Variants in HSPA12A observed in about 807,000 individuals in gnomAD.
HSPA12A encodes heat shock 70 kDa protein 12A.
In HSPA12A, 28 loss-of-function variants were observed where a neutral mutation model predicts 69.2. That is an observed-to-expected ratio of 0.40 (90% CI 0.30 to 0.55). HSPA12A has a LOEUF of 0.55. Ranked by LOEUF, HSPA12A falls within the 20% of genes least tolerant of loss-of-function variation. HSPA12A has a pLI of 0.38. For missense variants in HSPA12A, 686 were observed against 900.7 expected, an observed-to-expected ratio of 0.76 and a Z score of 3.05; for synonymous variants, 345 against 370.5, an observed-to-expected ratio of 0.93 and a Z score of 0.79.
rs1554878635 is a variant in HSPA12A, at chr10:116,681,751, G to A, written c.922+40C>T. 3 of 1,569,968 alleles carry A rather than the reference G, an allele frequency of 1.9e-6. No individual in the cohort carries two copies. In the East Asian group the frequency reaches 6.7e-5, roughly 35 times the overall value. The stretch of plus-strand genomic sequence containing the variant: ...GGAATGGCTTTTCACGAGCAGCACA[G>A]GAAAATCCAGCAAGAGCAAAGGACA... On this transcript the variant is annotated intron_variant, in intron 8 of 11. Transcript: ENST00000369209.
At chr10:116,693,753 T>A (rs75573268) in intron 5 of HSPA12A, among the ~76,000 whole-genome samples, 1 of 151,450 alleles carries the variant, frequency 6.6e-6, no homozygotes, top group African/African-American at 2.4e-5. Context: ...CAGCAAATGA[T>A]TTTTTTTTGC....
At chr10:116,849,610 A>T in exon 1 of HSPA12A, 2 of 1,549,916 alleles carry the variant, frequency 1.3e-6, no homozygotes, top group South Asian at 2.4e-5. Context: ...ACCACTAGGG[A>T]GCTGCAGAAG....
chr10:116,780,525 G>C (rs1404222428), intron 2 of HSPA12A, among the ~76,000 whole-genome samples: 8 of 98,072 alleles, frequency 8.2e-5, no homozygotes, highest in South Asian at 9.0e-4. Context: ...CTAATTTTTT[G>C]ATTTATTTTA....
At chr10:116,773,933 T>C (rs936987282) in intron 2 of HSPA12A, among the ~76,000 whole-genome samples, 3 of 152,166 alleles carry the variant, frequency 2.0e-5, no homozygotes, top group Non-Finnish European at 2.9e-5. Flanking sequence ...CTGAATGACC[T>C]TGGGTAGGTT....
At chr10:116,696,752 G>A (rs1430818413) in intron 5 of HSPA12A, among the ~76,000 whole-genome samples, 3 of 152,066 alleles carry the variant, frequency 2.0e-5, no homozygotes, top group African/African-American at 7.3e-5. Flanking sequence ...CTGAGCTCAC[G>A]GCATCCTGGC....
In HSPA12A at chr10:116,671,559, G is replaced by C. The variant is rs1849079024; in HGVS notation, c.*3222C>G. On this transcript the variant is annotated 3_prime_UTR_variant, in exon 12 of 12. Coordinates refer to ENST00000369209, the MANE Select transcript of HSPA12A (RefSeq NM_025015.3). ...CTACCCTGGCAATTAACCAGACCTG[G>C]ACTCTAAAAGCTAAACTTGGTCTAA... 6.6e-6 allele frequency: 1 copy of C among 152,568 alleles called. No homozygotes were observed. Among genetic ancestry groups the C allele is most frequent in the African/African-American group, 2.4e-5 (1 of 41,442 alleles). The allele number at this position is 152,568 out of a possible 1,614,324, so 9.5% of individuals were successfully genotyped here. A position where few individuals can be genotyped will look rare whatever the true frequency, so the allele number is the denominator to read the frequency against.
intron 2 of HSPA12A, among the ~76,000 whole-genome samples, chr10:116,782,629 G>A (rs1045207782): frequency 1.1e-4 from 17 of 152,276 alleles, no homozygotes; most frequent in African/African-American, 3.9e-4. Context: ...TGACACTATT[G>A]TCATAAAAAC....
intron 1 of HSPA12A, 83 bp downstream of exon 1, chr10:116,742,347 G>C: frequency 7.6e-7 from 1 of 1,320,332 alleles, no homozygotes; most frequent in South Asian, 1.6e-5. Flanking sequence ...GGCGCGCGAG[G>C]GGGTGCGGAG....
At chr10:116,808,451 G>T (rs2133178966) in intron 2 of HSPA12A, among the ~76,000 whole-genome samples, 1 of 152,236 alleles carries the variant, frequency 6.6e-6, no homozygotes, top group East Asian at 1.9e-4. Flanking sequence ...TTGCAGTGTG[G>T]TTTGTGCGTC....
chr10:116,750,397 C>T (rs1228249318), intron 2 of HSPA12A: 2 of 699,556 alleles, frequency 2.9e-6, no homozygotes, highest in Non-Finnish European at 2.6e-6. Context: ...TTGAAGGGAG[C>T]ACAGATGGAG....
intron 2 of HSPA12A, among the ~76,000 whole-genome samples, chr10:116,802,292 T>C (rs74401429): frequency 0.032 from 4,837 of 152,244 alleles, 250 homozygotes; most frequent in African/African-American, 0.11. Flanking sequence ...GCACTCACCA[T>C]AAGGAAAGCA....
In HSPA12A at chr10:116,672,249, A is replaced by G. The variant is rs371933138; in HGVS notation, c.*2532T>C. 123 of 152,316 alleles carry G rather than the reference A, an allele frequency of 8.1e-4. No homozygotes were observed. The highest frequency in any genetic ancestry group is 2.9e-3 in the African/African-American group (119 of 41,558). The allele number at this position is 152,316 out of a possible 1,614,324, so 9.4% of individuals were successfully genotyped here. ...ACAGTGGACCACGCTTTGCCCTCAG[A>G]GTGACTGCTCCGACCCGGAAGGAGA... On this transcript the variant is annotated 3_prime_UTR_variant, in exon 12 of 12. Transcript: ENST00000369209.
chr10:116,849,931 A>G (rs755380305), upstream of HSPA12A: 1 of 729,366 alleles, frequency 1.4e-6, no homozygotes, highest in African/African-American at 1.7e-5. Flanking sequence ...CCCCAGAGAA[A>G]GTGGCAGAAA....
At chr10:116,761,620 C>T (rs1278399660) in intron 2 of HSPA12A, among the ~76,000 whole-genome samples, 5 of 151,678 alleles carry the variant, frequency 3.3e-5, no homozygotes, top group African/African-American at 4.8e-5. Flanking sequence ...TGGTAGTGCA[C>T]GTCTGGCTGG....
chr10:116,704,052 G>A (rs906524946), intron 3 of HSPA12A, among the ~76,000 whole-genome samples: 1 of 152,186 alleles, frequency 6.6e-6, no homozygotes, highest in African/African-American at 2.4e-5. Context: ...AAGTCAGTGT[G>A]GCGATTCCTC....
Position 116,707,190 on chromosome 10 carries a change from C to CAT in HSPA12A, c.126+9_126+10insAT, listed in dbSNP as rs1850283283. 1 of 1,563,480 alleles carries CAT rather than the reference C, an allele frequency of 6.4e-7. No homozygotes were observed. The highest frequency in any genetic ancestry group is 1.4e-5 in the African/African-American group (1 of 73,526). The stretch of plus-strand genomic sequence containing the variant: ...ACACACACACACACACACACACACA[C>CAT]ACTTCTTACCACAATATGGGAGGGG... On this transcript the variant is annotated intron_variant, in intron 2 of 11. Coordinates refer to ENST00000369209, the MANE Select transcript of HSPA12A (RefSeq NM_025015.3).
rs376487177 is a variant in HSPA12A at position 116,709,768 on chromosome 10, A to G, written c.41-2483T>C. Reference sequence around the variant, plus strand: ...TGGGGTAGTGAAAAATTTTGGAAATAGATAGTGGTGATGGTTGCACAACAT... The same window carrying G: ...TGGGGTAGTGAAAAATTTTGGAAATGGATAGTGGTGATGGTTGCACAACAT... On this transcript the variant is annotated intron_variant, in intron 1 of 11. Coordinates refer to ENST00000369209, the MANE Select transcript of HSPA12A (RefSeq NM_025015.3). Among the ~76,000 whole-genome samples, 7 of 152,308 alleles carry G rather than the reference A, an allele frequency of 4.6e-5. No homozygotes were observed. In the East Asian group the frequency reaches 1.2e-3, roughly 25 times the overall value.
intron 1 of HSPA12A, among the ~76,000 whole-genome samples, chr10:116,842,124 C>T (rs980655270): frequency 6.6e-6 from 1 of 152,114 alleles, no homozygotes; most frequent in Non-Finnish European, 1.5e-5. Context: ...AGTACGTTTT[C>T]AAGGAAGTTA....
At chr10:116,802,604 C>CA (rs1193772553) in intron 2 of HSPA12A, among the ~76,000 whole-genome samples, 2 of 152,026 alleles carry the variant, frequency 1.3e-5, no homozygotes, top group Admixed American at 1.3e-4. Flanking sequence ...ACAACAGGAA[C>CA]AAAAAAAGAC....
Sources: gnomAD v4.1 joint callset for allele counts (sites outside exome capture counted in the v4.1 genomes callset) on GRCh38, gnomAD v4.1.1 for gene constraint, MANE v1.5 for transcripts, NCBI Gene and HGNC (gene_info 2026-07-23, HGNC 2026-07-21) for gene names.